The following RBFOX1 variants were observed in gnomAD, a reference collection of about 807,000 sequenced individuals.
RBFOX1 encodes RNA binding fox-1 homolog 1, also known as RNA binding protein fox-1 homolog 1.
In RBFOX1, 8 loss-of-function variants were observed where a neutral mutation model predicts 57.7. That is an observed-to-expected ratio of 0.14 (90% confidence interval 0.08 to 0.25). RBFOX1 has a LOEUF of 0.25. RBFOX1 is among the 10% of genes least tolerant of loss of function. The probability of loss-of-function intolerance (pLI) is 1.00; values close to 1 mark genes in which losing one functional copy is unlikely to be tolerated. For missense variants in RBFOX1, 611 were observed against 548.5 expected, an observed-to-expected ratio of 1.11 and a Z score of -1.14; for synonymous variants, 326 against 222.4, an observed-to-expected ratio of 1.47 and a Z score of -4.15.
intron 3 of RBFOX1, among the ~76,000 whole-genome samples, chr16:5,704,971 C>T (rs888566695): frequency 6.6e-6 from 1 of 152,130 alleles, no homozygotes; most frequent in Non-Finnish European, 1.5e-5. Context: ...CTGCTCATCT[C>T]CAAGGGCACA....
intron 4 of RBFOX1, among the ~76,000 whole-genome samples, chr16:7,405,558 G>A (rs2098326547): frequency 6.6e-6 from 1 of 152,166 alleles, no homozygotes; most frequent in African/African-American, 2.4e-5. Context: ...TGCCTCCCGT[G>A]TGCGCCTCAT....
intron 1 of RBFOX1, among the ~76,000 whole-genome samples, chr16:5,350,749 C>G (rs988161272): frequency 1.6e-4 from 25 of 152,248 alleles, no homozygotes; most frequent in African/African-American, 6.0e-4. Context: ...GCCTGTAACC[C>G]CAGCTACTCA....
intron 2 of RBFOX1, among the ~76,000 whole-genome samples, chr16:6,398,837 A>T (rs1009487986): frequency 1.3e-5 from 2 of 152,206 alleles, no homozygotes; most frequent in African/African-American, 4.8e-5. Context: ...TCTGGAGGAT[A>T]GTGGTCCTCT....
chr16:6,737,527 T>C (rs965413452), intron 3 of RBFOX1, among the ~76,000 whole-genome samples: 5 of 152,228 alleles, frequency 3.3e-5, no homozygotes, highest in African/African-American at 7.2e-5. Context: ...ATGAACTTTC[T>C]GGAAGTCATT....
At chr16:6,612,611 G>T (rs1174892855) in intron 2 of RBFOX1, among the ~76,000 whole-genome samples, 2 of 152,042 alleles carry the variant, frequency 1.3e-5, no homozygotes, top group South Asian at 2.1e-4. Context: ...CAGCACTTTG[G>T]AAGGCCGAGG....
intron 2 of RBFOX1, among the ~76,000 whole-genome samples, chr16:6,356,443 A>G (rs772273655): frequency 2.0e-5 from 3 of 152,148 alleles, no homozygotes; most frequent in Admixed American, 6.5e-5. Flanking sequence ...GTCTTAAAAA[A>G]CTATTAATAT....
intron 3 of RBFOX1, among the ~76,000 whole-genome samples, chr16:6,694,770 A>G (rs1197234089): frequency 1.3e-5 from 2 of 152,196 alleles, no homozygotes; most frequent in East Asian, 3.9e-4. Context: ...CCTCTCATTT[A>G]ACTAATTCAG....
rs189742843 is a variant in RBFOX1 at position 7,190,468 on chromosome 16, G to A, written c.27+138370G>A. Among the ~76,000 whole-genome samples the A allele has an allele frequency of 1.8e-3, 270 of 152,198 alleles. 1 individual carries two copies. Among genetic ancestry groups the A allele is most frequent in the African/African-American group, 6.1e-3 (252 of 41,524 alleles). On this transcript the variant is annotated intron_variant, in intron 4 of 15. Coordinates refer to ENST00000550418, the MANE Select transcript of RBFOX1 (RefSeq NM_018723.4). ...CCAACTCTTCCACAAATTCCCAACA[G>A]GTATTTTTACATATCATCCAGGCAT...
At chr16:7,127,793 T>C (rs1306848941) in intron 4 of RBFOX1, among the ~76,000 whole-genome samples, 1 of 152,204 alleles carries the variant, frequency 6.6e-6, no homozygotes, top group Non-Finnish European at 1.5e-5. Flanking sequence ...CCTTGGCACA[T>C]CTTGGTAGGA....
chr16:6,703,924 C>G (rs1226728948), intron 3 of RBFOX1: 1 of 152,290 alleles, frequency 6.6e-6, no homozygotes, highest in Non-Finnish European at 1.5e-5. Flanking sequence ...GAAAAGAGGC[C>G]TCAGCTTCCC....
chr16:5,834,337 G>C (rs910577907), intron 3 of RBFOX1, among the ~76,000 whole-genome samples: 1 of 152,150 alleles, frequency 6.6e-6, no homozygotes. Flanking sequence ...TCAGTTATAA[G>C]TGAGAACATG....
intron 3 of RBFOX1, among the ~76,000 whole-genome samples, chr16:6,981,288 G>C (rs1388317276): frequency 6.6e-6 from 1 of 151,860 alleles, no homozygotes; most frequent in Non-Finnish European, 1.5e-5. Flanking sequence ...CCCTCCAAAA[G>C]GCCCCTGTGT....
At chr16:7,083,768 C>T (rs775007535) in intron 4 of RBFOX1, among the ~76,000 whole-genome samples, 1 of 151,724 alleles carries the variant, frequency 6.6e-6, no homozygotes, top group Non-Finnish European at 1.5e-5. Context: ...CCAGAAGGCA[C>T]CGTGCATGGG....
chr16:5,721,177 G>A (rs1174701681), intron 3 of RBFOX1, among the ~76,000 whole-genome samples: 1 of 152,082 alleles, frequency 6.6e-6, no homozygotes, highest in African/African-American at 2.4e-5. Flanking sequence ...ATTTTCCTAA[G>A]TTTATTTTAA....
intron 1 of RBFOX1, among the ~76,000 whole-genome samples, chr16:6,073,021 C>G (rs1031911731): frequency 1.3e-5 from 2 of 152,152 alleles, no homozygotes; most frequent in Non-Finnish European, 2.9e-5. Flanking sequence ...ATGTGAAAGG[C>G]TAGTGTATTT....
intron 3 of RBFOX1, among the ~76,000 whole-genome samples, chr16:5,793,876 C>T (rs920475235): frequency 2.0e-5 from 3 of 152,260 alleles, no homozygotes; most frequent in Non-Finnish European, 2.9e-5. Flanking sequence ...GAATCCAGCA[C>T]GTTCTCCCTG....
chr16:6,772,243 A>G (rs1567179776), intron 3 of RBFOX1, among the ~76,000 whole-genome samples: 1 of 151,978 alleles, frequency 6.6e-6, no homozygotes. Flanking sequence ...TTAATATCAT[A>G]TTTTATATAC....
chr16:6,655,233 G>T (rs913958907), intron 3 of RBFOX1, among the ~76,000 whole-genome samples: 2 of 151,158 alleles, frequency 1.3e-5, no homozygotes, highest in African/African-American at 4.8e-5. Context: ...AATTAGCCGG[G>T]TGTGGTGGCA....
intron 11 of RBFOX1, among the ~76,000 whole-genome samples, chr16:7,638,773 G>A (rs950920505): frequency 1.3e-5 from 2 of 152,118 alleles, no homozygotes; most frequent in Admixed American, 1.3e-4. Context: ...GCGTGACTGT[G>A]TTCCAATAAA....
Sources: allele counts gnomAD v4.1 joint callset (sites outside exome capture counted in the v4.1 genomes callset), GRCh38; gene constraint gnomAD v4.1.1; transcripts MANE v1.5; gene names NCBI Gene and HGNC (gene_info 2026-07-23, HGNC 2026-07-21).